Variants in TRPM1 observed in about 807,000 individuals in gnomAD.
TRPM1 encodes the protein transient receptor potential cation channel subfamily M member 1.
TRPM1 carries 113 observed loss-of-function variants against 149.4 expected under a neutral mutation model. That is an observed-to-expected ratio of 0.76 (90% confidence interval 0.65 to 0.88). The LOEUF (loss-of-function observed/expected upper bound fraction) is 0.88. Ranked by LOEUF, TRPM1 falls within the 40% of genes least tolerant of loss-of-function variation. The pLI is 0.00. For missense variants in TRPM1, 1,976 were observed against 2,038.7 expected, an observed-to-expected ratio of 0.97 and a Z score of 0.59; for synonymous variants, 741 against 759.5, an observed-to-expected ratio of 0.98 and a Z score of 0.40.
chr15:31,017,991 T>C (rs1011264519), intron 27 of TRPM1, among the ~76,000 whole-genome samples: 2 of 152,218 alleles, frequency 1.3e-5, no homozygotes, highest in Non-Finnish European at 2.9e-5. Flanking sequence ...TCTGGAGTTC[T>C]GTAGTAAGCC....
At chr15:31,097,057 C>T (rs778254301) in intron 1 of TRPM1, among the ~76,000 whole-genome samples, 1 of 152,228 alleles carries the variant, frequency 6.6e-6, no homozygotes, top group Non-Finnish European at 1.5e-5. Flanking sequence ...TCTATGATAA[C>T]GTTTAATGAA....
chr15:31,088,522 G>A (rs1340660882), intron 1 of TRPM1, among the ~76,000 whole-genome samples: 2 of 152,140 alleles, frequency 1.3e-5, no homozygotes, highest in African/African-American at 4.8e-5. Flanking sequence ...CTCTGGATGC[G>A]CCACCTTTAA....
chr15:31,046,153 T>C (rs370646324), intron 16 of TRPM1, 51 bp downstream of exon 16: 1 of 1,575,436 alleles, frequency 6.3e-7, no homozygotes, highest in Non-Finnish European at 8.7e-7. Context: ...AAAAGGGCTA[T>C]GTATATTTGA....
intron 27 of TRPM1, among the ~76,000 whole-genome samples, chr15:31,005,058 C>T (rs952643754): frequency 1.3e-4 from 20 of 151,876 alleles, no homozygotes; most frequent in Non-Finnish European, 2.9e-5. Flanking sequence ...GCCGAGATCG[C>T]ACCACTGCAC....
Position 31,040,597 on chromosome 15 carries a change from C to G in TRPM1, c.2088-251G>C, listed in dbSNP as rs530265924. Among the ~76,000 whole-genome samples, 1 of 152,214 alleles carries G rather than the reference C, an allele frequency of 6.6e-6. No homozygotes were observed. Among genetic ancestry groups the G allele is most frequent in the Non-Finnish European group, 1.5e-5 (1 of 68,036 alleles). On this transcript the variant is annotated intron_variant, in intron 17 of 27. Coordinates refer to ENST00000256552, the MANE Select transcript of TRPM1 (RefSeq NM_001252024.2). This position sits in a 1 kb window ranked among gnomAD's most constrained non-coding sequence, Gnocchi z 4.2. ...TGCAAATGGAGCTGTAGGTTGAGAC[C>G]ACATCTGCCCCTCAGACCCCAGGGA...
chr15:31,088,402 G>T, intron 1 of TRPM1, among the ~76,000 whole-genome samples: 1 of 152,180 alleles, frequency 6.6e-6, no homozygotes, highest in Non-Finnish European at 1.5e-5. Context: ...GCTGCAAGCA[G>T]AAAGTGTCTG....
In TRPM1 at chr15:31,049,332, G is replaced by A. The variant is rs73372425; in HGVS notation, c.1572+43C>T. 5,939 of 1,613,806 alleles carry A rather than the reference G, an allele frequency of 3.7e-3. 198 individuals are homozygous for A. In the African/African-American group the frequency reaches 0.07, roughly 19 times the overall value. ...TATGCACCAGTGACAAACACATTTA[G>A]GTGGCTGCCTCCCGCTTCCTTCCCT... On this transcript the variant is annotated intron_variant, in intron 13 of 27. Coordinates refer to ENST00000256552, the MANE Select transcript of TRPM1 (RefSeq NM_001252024.2).
At chr15:31,082,423 C>T (rs1021919971) in intron 1 of TRPM1, among the ~76,000 whole-genome samples, 6 of 152,212 alleles carry the variant, frequency 3.9e-5, no homozygotes, top group African/African-American at 1.2e-4. Context: ...CCCAACCCCT[C>T]TGAGCTGTGA....
intron 1 of TRPM1, among the ~76,000 whole-genome samples, chr15:31,090,079 T>C (rs2035190051): frequency 6.6e-6 from 1 of 152,204 alleles, no homozygotes; most frequent in Non-Finnish European, 1.5e-5. Context: ...TGATTATCTT[T>C]TTTTCCTCTG....
At chr15:31,151,616 A>G (rs994153103) in intron 1 of TRPM1, among the ~76,000 whole-genome samples, 2 of 152,236 alleles carry the variant, frequency 1.3e-5, no homozygotes, top group African/African-American at 4.8e-5. Context: ...TGCCAGCCCC[A>G]TCCAGCCCAG....
At chr15:31,120,183 T>A (rs12439927) in intron 1 of TRPM1, among the ~76,000 whole-genome samples, 10 of 152,222 alleles carry the variant, frequency 6.6e-5, no homozygotes, top group Admixed American at 5.9e-4. Context: ...AATATAAAGA[T>A]ATAGCAAATT....
chr15:31,084,676 C>CT (rs59470983), intron 1 of TRPM1, among the ~76,000 whole-genome samples: 2,279 of 128,438 alleles, frequency 0.018, 35 homozygotes, highest in Non-Finnish European at 0.025. Flanking sequence ...TTTTTCTTTT[C>CT]TTTTTTTTTT....
intron 1 of TRPM1, among the ~76,000 whole-genome samples, chr15:31,135,227 GTATCCATA>G (rs1174156928): frequency 6.6e-6 from 1 of 152,060 alleles, no homozygotes; most frequent in Non-Finnish European, 1.5e-5. Flanking sequence ...CACACATTCT[GTATCCATA>G]CACATTACTA....
chr15:31,052,107 C>G (rs915795605), intron 11 of TRPM1, among the ~76,000 whole-genome samples: 2 of 152,202 alleles, frequency 1.3e-5, no homozygotes, highest in African/African-American at 2.4e-5. Context: ...ACTCTGCACA[C>G]CTGCCATGGC....
intron 27 of TRPM1, among the ~76,000 whole-genome samples, chr15:31,019,654 G>A (rs535739494): frequency 2.8e-4 from 43 of 151,762 alleles, no homozygotes; most frequent in African/African-American, 9.7e-4. Flanking sequence ...TGCCCACCTC[G>A]GCCTCCCAAA....
intron 1 of TRPM1, among the ~76,000 whole-genome samples, chr15:31,121,386 A>G (rs2141034006): frequency 6.6e-6 from 1 of 152,276 alleles, no homozygotes; most frequent in African/African-American, 2.4e-5. Context: ...AGTAGAGAAA[A>G]CTAAAGCTGA....
intron 9 of TRPM1, among the ~76,000 whole-genome samples, chr15:31,062,166 G>A (rs1417545972): frequency 1.3e-5 from 2 of 152,170 alleles, no homozygotes; most frequent in Non-Finnish European, 2.9e-5. Context: ...TTAGAATTTT[G>A]AAGAGGCCAT....
intron 1 of TRPM1, among the ~76,000 whole-genome samples, chr15:31,122,926 C>T (rs2035899672): frequency 6.6e-6 from 1 of 152,144 alleles, no homozygotes; most frequent in Non-Finnish European, 1.5e-5. Context: ...CCTTACCCAA[C>T]CTCAAGATTT....
chr15:31,153,095 C>T (rs770700216), intron 1 of TRPM1, among the ~76,000 whole-genome samples: 6 of 152,252 alleles, frequency 3.9e-5, no homozygotes, highest in Non-Finnish European at 8.8e-5. Context: ...TGGTCCTTTA[C>T]AGCTGTCTGT....
Sources: gnomAD v4.1 joint callset for allele counts (sites outside exome capture counted in the v4.1 genomes callset) on GRCh38, gnomAD v4.1.1 for gene constraint, Gnocchi (gnomAD v3.1) non-coding constraint, MANE v1.5 for transcripts, NCBI Gene and HGNC (gene_info 2026-07-23, HGNC 2026-07-21) for gene names.